FGF14: variants seen among roughly 807,000 people sequenced by gnomAD.
FGF14 encodes the protein fibroblast growth factor 14, also known as fibroblast growth factor homologous factor 4.
In FGF14, 5 loss-of-function variants were observed where a neutral mutation model predicts 25.5. That is an observed-to-expected ratio of 0.20 (90% CI 0.10 to 0.41). The LOEUF is 0.41. FGF14 is among the 10% of genes least tolerant of loss of function. FGF14 has a pLI of 1.00. For missense variants in FGF14, 222 were observed against 320.1 expected, an observed-to-expected ratio of 0.69 and a Z score of 2.34; for synonymous variants, 138 against 118.3, an observed-to-expected ratio of 1.17 and a Z score of -1.08.
chr13:101,813,198 C>G (rs534533295), intron 3 of FGF14, among the ~76,000 whole-genome samples: 9 of 152,206 alleles, frequency 5.9e-5, no homozygotes, highest in Middle Eastern at 3.4e-3. Context: ...GAATTTTAAA[C>G]GAGTGTCCTT....
Position 101,890,452 on chromosome 13 carries a change from G to C in FGF14, c.194-15156C>G, listed in dbSNP as rs570456708. ...CAGTGTGCCAGGGAGAACCATTTGG[G>C]GACCTCTGTTCCTCTAAGTCCCTCC... On this transcript the variant is annotated intron_variant, in intron 1 of 4. Transcript: ENST00000376143. Among the ~76,000 whole-genome samples the C allele has an allele frequency of 3.9e-5, 6 of 152,200 alleles. No homozygotes were observed. In the East Asian group the frequency reaches 1.2e-3, roughly 29 times the overall value.
chr13:102,191,300 C>T (rs1383017459), intron 1 of FGF14, among the ~76,000 whole-genome samples: 1 of 152,176 alleles, frequency 6.6e-6, no homozygotes, highest in Non-Finnish European at 1.5e-5. Flanking sequence ...GGTCTGTGTG[C>T]TTGGGCTGCC....
chr13:102,269,411 CTGTT>C (rs917707176), intron 1 of FGF14, among the ~76,000 whole-genome samples: 4 of 152,138 alleles, frequency 2.6e-5, no homozygotes, highest in Non-Finnish European at 4.4e-5. Context: ...ATGGTGATAA[CTGTT>C]TGTCATCTCT....
Position 102,361,860 on chromosome 13 carries a change from A to AT in FGF14, c.208+39610dup, listed in dbSNP as rs573303113. Among the ~76,000 whole-genome samples the AT allele has an allele frequency of 1.5e-4, 23 of 150,444 alleles. 2 individuals carry two copies. The highest frequency in any genetic ancestry group is 3.3e-4 in the Admixed American group (5 of 15,090). Reference sequence around the variant, plus strand: ...ATAGCATTTGCTTGAACAAGATAGGATTTTTTTTTTAATCTCTCAAATAAC... The same window carrying AT: ...ATAGCATTTGCTTGAACAAGATAGGATTTTTTTTTTTAATCTCTCAAATAAC... On this transcript the variant is annotated intron_variant, in intron 1 of 4. Coordinates refer to the FGF14 transcript ENST00000376131.
At chr13:102,005,563 C>T (rs544714868) in intron 1 of FGF14, among the ~76,000 whole-genome samples, 4 of 152,100 alleles carry the variant, frequency 2.6e-5, no homozygotes, top group African/African-American at 9.7e-5. Flanking sequence ...TCAGCACAAG[C>T]AAATATGATA....
At chr13:102,105,179 G>A (rs2044849936) in intron 1 of FGF14, among the ~76,000 whole-genome samples, 1 of 152,182 alleles carries the variant, frequency 6.6e-6, no homozygotes, top group South Asian at 2.1e-4. Flanking sequence ...ACTAATGATT[G>A]TGTTCTGAAG....
At chr13:102,249,790 C>G (rs867329109) in intron 1 of FGF14, among the ~76,000 whole-genome samples, 3 of 152,198 alleles carry the variant, frequency 2.0e-5, no homozygotes, top group South Asian at 2.1e-4. Flanking sequence ...TTTCACATCT[C>G]TTGAATTATT....
At chr13:101,922,915 C>T (rs1051439018) in intron 1 of FGF14, among the ~76,000 whole-genome samples, 85 of 151,964 alleles carry the variant, frequency 5.6e-4, no homozygotes, top group African/African-American at 1.8e-3. Flanking sequence ...TAAATTCTAT[C>T]ATGTTATTTT....
chr13:102,374,744 C>A (rs2057997119), intron 1 of FGF14, among the ~76,000 whole-genome samples: 1 of 129,732 alleles, frequency 7.7e-6, no homozygotes, highest in African/African-American at 2.8e-5. Context: ...TAAACATTCA[C>A]CAAAAGGAAT....
rs759548856 is a variant in FGF14 at position 101,989,444 on chromosome 13, T to A, written c.209-114148A>T. On this transcript the variant is annotated intron_variant, in intron 1 of 4. Coordinates refer to the FGF14 transcript ENST00000376131. The stretch of plus-strand genomic sequence containing the variant: ...AATAATGTACATTTTGTTTCCTACA[T>A]TATAACGTGTTTTCTATACCTCATA... 2.6e-5 allele frequency among the ~76,000 whole-genome samples: 4 copies of A among 152,122 alleles called. No homozygotes were observed. The South Asian group carries it at 8.3e-4, about 31-fold the overall frequency.
At chr13:101,795,026 G>A (rs953403564) in intron 3 of FGF14, among the ~76,000 whole-genome samples, 2 of 152,114 alleles carry the variant, frequency 1.3e-5, no homozygotes, top group African/African-American at 4.8e-5. Context: ...ATTAAAACAT[G>A]TACATTATTG....
chr13:101,795,378 T>C (rs2040462732), intron 3 of FGF14, among the ~76,000 whole-genome samples: 1 of 152,126 alleles, frequency 6.6e-6, no homozygotes, highest in Non-Finnish European at 1.5e-5. Flanking sequence ...AGGGAAACTT[T>C]TCTATAGCAT....
intron 1 of FGF14, among the ~76,000 whole-genome samples, chr13:102,079,843 A>T (rs929768483): frequency 6.6e-6 from 1 of 152,206 alleles, no homozygotes; most frequent in African/African-American, 2.4e-5. Flanking sequence ...AAGCCTCATT[A>T]TGAAGACGAC....
chr13:101,974,069 A>G (rs2037777374), intron 1 of FGF14, among the ~76,000 whole-genome samples: 2 of 152,238 alleles, frequency 1.3e-5, no homozygotes, highest in South Asian at 4.1e-4. Flanking sequence ...TTAATAAATT[A>G]TGCATCCTAT....
rs1199776532 is a variant in FGF14 at position 102,236,860 on chromosome 13, G to T, written c.208+164611C>A. Among the ~76,000 whole-genome samples the T allele has an allele frequency of 2.6e-5, 4 of 152,134 alleles. No individual in the cohort carries two copies. In the East Asian group the frequency reaches 5.8e-4, roughly 22 times the overall value. On this transcript the variant is annotated intron_variant, in intron 1 of 4. Coordinates refer to the FGF14 transcript ENST00000376131. The stretch of plus-strand genomic sequence containing the variant: ...CAGGGTGATTCCCTTCACTCATGCC[G>T]AAGTGAGAAAGGCCCAGAGAAGCCA...
intron 1 of FGF14, among the ~76,000 whole-genome samples, chr13:101,892,702 G>A (rs190244162): frequency 6.6e-6 from 1 of 152,276 alleles, no homozygotes; most frequent in Non-Finnish European, 1.5e-5. Context: ...GGAAAACAGT[G>A]GGGTTCAGTT....
chr13:102,301,981 C>T (rs2055088604), intron 1 of FGF14, among the ~76,000 whole-genome samples: 1 of 152,076 alleles, frequency 6.6e-6, no homozygotes, highest in African/African-American at 2.4e-5. Flanking sequence ...TGTGTCCAGA[C>T]ACTCTGTCTT....
chr13:102,129,488 T>C (rs544090324), intron 1 of FGF14, among the ~76,000 whole-genome samples: 24 of 152,186 alleles, frequency 1.6e-4, no homozygotes, highest in Non-Finnish European at 3.4e-4. Flanking sequence ...ATTAAAACTC[T>C]GTTACTATTG....
At chr13:102,036,472 GGA>G (rs2041479065) in intron 1 of FGF14, among the ~76,000 whole-genome samples, 3 of 152,156 alleles carry the variant, frequency 2.0e-5, no homozygotes. Flanking sequence ...TCCTGAAATG[GGA>G]GAGAGGGAAG....
Sources: gnomAD v4.1 joint callset for allele counts (sites outside exome capture counted in the v4.1 genomes callset) on GRCh38, gnomAD v4.1.1 for gene constraint, MANE v1.5 for transcripts, NCBI Gene and HGNC (gene_info 2026-07-23, HGNC 2026-07-21) for gene names.